GRID2: variants seen among roughly 807,000 people sequenced by gnomAD.
The protein encoded by GRID2 is glutamate ionotropic receptor delta type subunit 2.
Under a neutral mutation model 114.8 loss-of-function variants are expected in GRID2, and 33 were observed. The ratio of observed to expected loss-of-function variants is 0.29; its 90% CI spans 0.22 to 0.38. The LOEUF is 0.38. GRID2 is among the 10% of genes least tolerant of loss of function. The probability of loss-of-function intolerance (pLI) is 1.00; values close to 1 mark genes in which losing one functional copy is unlikely to be tolerated. For synonymous variants in GRID2, 505 were observed against 449.9 expected, an observed-to-expected ratio of 1.12 and a Z score of -1.55; for missense variants, 1,184 against 1,257.7, an observed-to-expected ratio of 0.94 and a Z score of 0.89.
intron 5 of GRID2, among the ~76,000 whole-genome samples, chr4:93,208,231 G>A (rs1399056508): frequency 1.3e-5 from 2 of 151,642 alleles, no homozygotes; most frequent in Non-Finnish European, 2.9e-5. Context: ...TTTCTTTTAG[G>A]GACAAAATAG....
At chr4:93,304,120 G>T (rs1397834474) in intron 8 of GRID2, among the ~76,000 whole-genome samples, 3 of 151,140 alleles carry the variant, frequency 2.0e-5, no homozygotes, top group Admixed American at 6.6e-5. Flanking sequence ...CCACTTAGAA[G>T]AAATACATAT....
chr4:92,398,071 A>C (rs1038989712), intron 1 of GRID2, among the ~76,000 whole-genome samples: 1 of 152,210 alleles, frequency 6.6e-6, no homozygotes, highest in Non-Finnish European at 1.5e-5. Context: ...TAATATATGC[A>C]GAGACATTCA....
intron 2 of GRID2, among the ~76,000 whole-genome samples, chr4:92,624,600 T>G (rs2149241337): frequency 6.6e-6 from 1 of 151,956 alleles, no homozygotes; most frequent in South Asian, 2.1e-4. Context: ...TCATATGAGA[T>G]AACATTACAT....
chr4:93,632,979 A>G (rs1380109255), intron 14 of GRID2, among the ~76,000 whole-genome samples: 3 of 152,222 alleles, frequency 2.0e-5, no homozygotes, highest in African/African-American at 4.8e-5. Flanking sequence ...CTTTGAAGCA[A>G]TTGTGAATGG....
chr4:92,568,214 A>G (rs1360981135), intron 1 of GRID2, among the ~76,000 whole-genome samples: 8 of 151,998 alleles, frequency 5.3e-5, no homozygotes, highest in Non-Finnish European at 7.4e-5. Context: ...AGGAGCAACA[A>G]AAAGACTTGG....
chr4:92,394,574 A>G (rs1291588546), intron 1 of GRID2, among the ~76,000 whole-genome samples: 1 of 151,990 alleles, frequency 6.6e-6, no homozygotes, highest in African/African-American at 2.4e-5. Flanking sequence ...GTTGGGTCAC[A>G]GGCTGAAAAA....
At chr4:92,382,904 T>C (rs9990696) in intron 1 of GRID2, among the ~76,000 whole-genome samples, 3,349 of 152,030 alleles carry the variant, frequency 0.022, 131 homozygotes, top group African/African-American at 0.077. Context: ...CTGGGTAATT[T>C]ATAAAGAAAA....
At chr4:92,584,662 G>T (rs144521650) in intron 1 of GRID2, among the ~76,000 whole-genome samples, 16 of 151,866 alleles carry the variant, frequency 1.1e-4, no homozygotes, top group Admixed American at 3.3e-4. Context: ...GATTTAATAT[G>T]CTAATCATCA....
chr4:93,653,604 CT>C (rs1239378375), intron 14 of GRID2, among the ~76,000 whole-genome samples: 10 of 151,992 alleles, frequency 6.6e-5, no homozygotes, highest in Non-Finnish European at 1.0e-4. Flanking sequence ...AAACTGCCTT[CT>C]AAATGTAGTT....
intron 13 of GRID2, among the ~76,000 whole-genome samples, chr4:93,588,941 C>T (rs1036776307): frequency 1.3e-5 from 2 of 152,114 alleles, no homozygotes; most frequent in Non-Finnish European, 2.9e-5. Flanking sequence ...ATGAACTCTC[C>T]AGCAGGTTCA....
intron 2 of GRID2, among the ~76,000 whole-genome samples, chr4:93,039,081 A>G (rs967057527): frequency 4.6e-5 from 7 of 152,334 alleles, no homozygotes; most frequent in South Asian, 4.1e-4. Flanking sequence ...ATGTCCATCA[A>G]TGATAGACTG....
intron 2 of GRID2, among the ~76,000 whole-genome samples, chr4:92,951,342 T>A (rs1752022038): frequency 7.1e-6 from 1 of 140,760 alleles, no homozygotes; most frequent in Non-Finnish European, 1.6e-5. Context: ...TTTTTATTTA[T>A]TTATTTATTT....
At chr4:93,363,174 A>T (rs1203789393) in intron 8 of GRID2, among the ~76,000 whole-genome samples, 1 of 152,124 alleles carries the variant, frequency 6.6e-6, no homozygotes, top group Non-Finnish European at 1.5e-5. Context: ...CTGAAATTGC[A>T]CCACTGCACT....
At chr4:92,956,610 C>G (rs1752429034) in intron 2 of GRID2, among the ~76,000 whole-genome samples, 1 of 152,132 alleles carries the variant, frequency 6.6e-6, no homozygotes, top group Non-Finnish European at 1.5e-5. Context: ...AATAAAGCTA[C>G]TATAAGCATC....
chr4:92,750,675 C>T (rs1383576680), intron 2 of GRID2, among the ~76,000 whole-genome samples: 1 of 152,136 alleles, frequency 6.6e-6, no homozygotes. Context: ...CATGCTTGTT[C>T]TGTAACCTTA....
chr4:93,584,494 C>A lies in GRID2; in HGVS notation c.2194-41775C>A, dbSNP rs75360457. On this transcript the variant is annotated intron_variant, in intron 13 of 15. Coordinates refer to ENST00000282020, the MANE Select transcript of GRID2 (RefSeq NM_001510.4). Reference sequence around the variant, plus strand: ...AATGGTTGAAAATGTTGTTTTTTGACATGAGGGATACTTCCTTTCTCTTAT... The same window carrying A: ...AATGGTTGAAAATGTTGTTTTTTGAAATGAGGGATACTTCCTTTCTCTTAT... Among the ~76,000 whole-genome samples the A allele has an allele frequency of 3.9e-3, 589 of 152,098 alleles. 2 individuals carry two copies. The highest frequency in any genetic ancestry group is 0.014 in the African/African-American group (565 of 41,522).
chr4:92,943,064 C>G (rs1009772350), intron 2 of GRID2, among the ~76,000 whole-genome samples: 1 of 152,084 alleles, frequency 6.6e-6, no homozygotes, highest in Non-Finnish European at 1.5e-5. Flanking sequence ...TTGCTCTTCT[C>G]GAGGAGTATC....
intron 2 of GRID2, among the ~76,000 whole-genome samples, chr4:93,006,531 T>C (rs1372669474): frequency 1.3e-5 from 2 of 152,002 alleles, no homozygotes; most frequent in Non-Finnish European, 2.9e-5. Context: ...TGGAAAATTC[T>C]TTGGTGGCTC....
At chr4:93,116,368 T>C (rs929173552) in intron 4 of GRID2, among the ~76,000 whole-genome samples, 3 of 152,200 alleles carry the variant, frequency 2.0e-5, no homozygotes, top group Non-Finnish European at 4.4e-5. Flanking sequence ...CTTTATAAGA[T>C]GAAAATCTGT....
Sources: allele counts gnomAD v4.1 joint callset (sites outside exome capture counted in the v4.1 genomes callset), GRCh38; gene constraint gnomAD v4.1.1; transcripts MANE v1.5; gene names NCBI Gene and HGNC (gene_info 2026-07-23, HGNC 2026-07-21).